LYRM4: variants seen among roughly 807,000 people sequenced by gnomAD.
LYRM4 encodes the protein LYR motif containing 4.
LYRM4 carries 9 observed loss-of-function variants against 11.7 expected under a neutral mutation model. The observed-to-expected ratio is 0.77, with a 90% CI of 0.46 to 1.34. The LOEUF is 1.34. LYRM4 is among the 40% of genes most tolerant of loss of function. The pLI, the probability that LYRM4 is intolerant of heterozygous loss-of-function variation, is 0.00. For synonymous variants in LYRM4, 42 were observed against 40.4 expected, an observed-to-expected ratio of 1.04 and a Z score of -0.15; for missense variants, 133 against 112.5, an observed-to-expected ratio of 1.18 and a Z score of -0.82.
intron 2 of LYRM4, among the ~76,000 whole-genome samples, chr6:5,216,165 C>T (rs2127723287): frequency 6.6e-6 from 1 of 152,300 alleles, no homozygotes; most frequent in African/African-American, 2.4e-5. Flanking sequence ...CCTGCAGATG[C>T]ACCTCCCATG....
At chr6:5,034,753 C>CTTTTTTTTTTTTTTTTTTTTTTTTTTT in the LYRM4 span, 1 of 93,880 alleles carries the variant, frequency 1.1e-5, no homozygotes. Context: ...TACAGCAATG[C>CTTTTTTTTTTTTTTTTTTTTTTTTTTT]TTTTTTTTTT....
chr6:5,167,826 C>CT (rs1377497251), intron 2 of LYRM4, among the ~76,000 whole-genome samples: 1 of 151,734 alleles, frequency 6.6e-6, no homozygotes, highest in Non-Finnish European at 1.5e-5. Context: ...GGGTATACAC[C>CT]TTTTTTTGTT....
intron 2 of LYRM4, among the ~76,000 whole-genome samples, chr6:5,139,533 T>C (rs890029809): frequency 3.3e-5 from 5 of 152,246 alleles, no homozygotes; most frequent in Admixed American, 6.5e-5. Context: ...TAACAAGATA[T>C]TGTTAAATTA....
chr6:5,165,957 A>C (rs1398047275), intron 2 of LYRM4, among the ~76,000 whole-genome samples: 1 of 152,208 alleles, frequency 6.6e-6, no homozygotes, highest in Non-Finnish European at 1.5e-5. Flanking sequence ...TTATGGAAGA[A>C]ATTTAGATTA....
chr6:5,241,240 T>C (rs1278625990), intron 1 of LYRM4, among the ~76,000 whole-genome samples: 3 of 152,220 alleles, frequency 2.0e-5, no homozygotes, highest in Admixed American at 6.5e-5. Context: ...AGAATCCTCA[T>C]TTCATAGTGA....
intron 1 of LYRM4, among the ~76,000 whole-genome samples, chr6:5,249,233 T>C (rs1225621590): frequency 1.3e-5 from 2 of 152,184 alleles, no homozygotes; most frequent in Admixed American, 6.5e-5. Flanking sequence ...AGCGAGTAAA[T>C]GATTTATACC....
intron 1 of LYRM4, among the ~76,000 whole-genome samples, chr6:5,236,738 A>C (rs1763567785): frequency 6.6e-6 from 1 of 151,788 alleles, no homozygotes; most frequent in Non-Finnish European, 1.5e-5. Flanking sequence ...GCTTGAGCCC[A>C]GGAGTTCAAG....
chr6:5,101,964 C>CTTTTTTTTTTTTTTTTTTTTTTTT (rs1431348110), downstream of LYRM4, among the ~76,000 whole-genome samples: 1 of 36,192 alleles, frequency 2.8e-5, no homozygotes, highest in Non-Finnish European at 6.8e-5. Context: ...CCAACTAATG[C>CTTTTTTTTTTTTTTTTTTTTTTTT]TTTCTTTTTT....
At chr6:5,073,602 G>A in the LYRM4 span, among the ~76,000 whole-genome samples, 100,432 of 147,360 alleles carry the variant, frequency 0.68, 34,753 homozygotes, top group East Asian at 0.89. Flanking sequence ...TATATAGTCT[G>A]TATAATATAT....
At chr6:5,157,062 A>C (rs2127648310) in intron 2 of LYRM4, among the ~76,000 whole-genome samples, 1 of 152,330 alleles carries the variant, frequency 6.6e-6, no homozygotes. Flanking sequence ...GAGTCAGATA[A>C]ACAGCACTGA....
At chr6:5,107,697 C>G (rs1238951773), downstream of LYRM4, 1 of 152,182 alleles carries the variant, frequency 6.6e-6, no homozygotes, top group East Asian at 1.9e-4. Context: ...CTGGGACTTG[C>G]TAAGAGCTTC....
intron 2 of LYRM4, among the ~76,000 whole-genome samples, chr6:5,119,297 CAAGGTGCAAGAGCGTGCACTCTT>C (rs1157189467): frequency 6.6e-6 from 1 of 152,124 alleles, no homozygotes; most frequent in Admixed American, 6.6e-5. Context: ...AAGAGAGAAA[CAAGGTGCAAGAGCGTGCACTCTT>C]CATCAGCATG....
intron 1 of LYRM4, among the ~76,000 whole-genome samples, chr6:5,228,359 C>G (rs556579131): frequency 2.0e-5 from 3 of 152,100 alleles, no homozygotes; most frequent in Non-Finnish European, 4.4e-5. Context: ...TCACTGCAAC[C>G]TTCACCTCCC....
intron 2 of LYRM4, among the ~76,000 whole-genome samples, chr6:5,137,129 A>G (rs1036005119): frequency 6.6e-6 from 1 of 152,170 alleles, no homozygotes; most frequent in Admixed American, 6.5e-5. Flanking sequence ...CCGTAGCATA[A>G]TGTTCTCAAG....
intron 2 of LYRM4, among the ~76,000 whole-genome samples, chr6:5,156,486 T>C (rs1758418611): frequency 6.6e-6 from 1 of 152,030 alleles, no homozygotes; most frequent in Non-Finnish European, 1.5e-5. Flanking sequence ...GCAGAAAGAA[T>C]AAGGTGGGGG....
At chr6:5,256,575 G>C (rs1764689816) in intron 1 of LYRM4, among the ~76,000 whole-genome samples, 1 of 141,684 alleles carries the variant, frequency 7.1e-6, no homozygotes, top group African/African-American at 2.6e-5. Flanking sequence ...CTTTTACACT[G>C]TGTGAGATGG....
rs181041303 is a variant in LYRM4, at chr6:5,165,688, G to A, written c.207+50930C>T. 3.4e-3 allele frequency among the ~76,000 whole-genome samples: 516 copies of A among 152,100 alleles called. 4 individuals are homozygous for A. Among genetic ancestry groups the A allele is most frequent in the African/African-American group, 0.011 (474 of 41,502 alleles). On this transcript the variant is annotated intron_variant, in intron 2 of 2. Coordinates refer to ENST00000330636, the MANE Select transcript of LYRM4 (RefSeq NM_020408.6). ...CTCCCGAGTAGCTGGGACTAGAGGT[G>A]CATACCACCACACCCAGCAGATTTT...
Position 5,108,938 on chromosome 6 carries a change from A to G in LYRM4, c.*485T>C. The G allele has an allele frequency of 1.0e-6, 1 of 996,456 alleles. No individual in the cohort carries two copies. The highest frequency in any genetic ancestry group is 1.2e-6 in the Non-Finnish European group (1 of 835,684). 61.7% of individuals were successfully genotyped at this position (996,456 alleles called of 1,614,324 possible). A position where few individuals can be genotyped will look rare whatever the true frequency, so the allele number is the denominator to read the frequency against. ...GCCCCCAGTCTCAAGTGGTGCTTGA[A>G]CTTGCCTTCACCAAGGCAGTTCTCG... On this transcript the variant is annotated 3_prime_UTR_variant, in exon 3 of 3. Coordinates refer to ENST00000330636, the MANE Select transcript of LYRM4 (RefSeq NM_020408.6).
chr6:5,118,096 T>TATATATATTTTTTTTTTTTTTG (rs1554126841), intron 2 of LYRM4, among the ~76,000 whole-genome samples: 4 of 78,708 alleles, frequency 5.1e-5, no homozygotes, highest in African/African-American at 2.8e-4. Flanking sequence ...ATATATATAT[T>TATATATATTTTTTTTTTTTTTG]TTTGTTTTGT....
Sources: allele counts gnomAD v4.1 joint callset (sites outside exome capture counted in the v4.1 genomes callset), GRCh38; gene constraint gnomAD v4.1.1; transcripts MANE v1.5; gene names NCBI Gene and HGNC (gene_info 2026-07-23, HGNC 2026-07-21).